Variants in NPAS3 observed in about 807,000 individuals in gnomAD.
The protein encoded by NPAS3 is neuronal PAS domain protein 3.
A neutral mutation model predicts 73.1 loss-of-function variants in NPAS3; 14 were observed. That is an observed-to-expected ratio of 0.19 (90% CI 0.13 to 0.30). NPAS3 has a LOEUF of 0.30. Among genes scored for constraint, NPAS3 ranks in the 10% least tolerant of loss-of-function variants. NPAS3 has a pLI of 1.00. For synonymous variants in NPAS3, 620 were observed against 541.5 expected, an observed-to-expected ratio of 1.14 and a Z score of -2.01; for missense variants, 1,096 against 1,250.0, an observed-to-expected ratio of 0.88 and a Z score of 1.86.
intron 7 of NPAS3, among the ~76,000 whole-genome samples, chr14:33,746,160 TTTTTA>T (rs1019702591): frequency 9.3e-5 from 14 of 151,220 alleles, no homozygotes; most frequent in South Asian, 2.1e-4. Flanking sequence ...GACTCATTCT[TTTTTA>T]TTTTATTTTA....
chr14:33,690,220 T>A (rs1036522327), intron 6 of NPAS3, among the ~76,000 whole-genome samples: 2 of 152,140 alleles, frequency 1.3e-5, no homozygotes, highest in African/African-American at 4.8e-5. Context: ...TCGGTATTGG[T>A]TTGAACTTTA....
At chr14:33,482,917 C>T (rs1451927579) in intron 4 of NPAS3, among the ~76,000 whole-genome samples, 3 of 152,124 alleles carry the variant, frequency 2.0e-5, no homozygotes, top group Non-Finnish European at 4.4e-5. Flanking sequence ...CTAATTATGT[C>T]AGTAAATTAA....
At chr14:33,651,570 T>G (rs1003295323) in intron 5 of NPAS3, among the ~76,000 whole-genome samples, 5 of 152,276 alleles carry the variant, frequency 3.3e-5, no homozygotes, top group South Asian at 2.1e-4. Context: ...AGTATATAGC[T>G]TTGAGGTCAG....
chr14:33,357,662 A>G (rs530291490), intron 3 of NPAS3, among the ~76,000 whole-genome samples: 16 of 152,338 alleles, frequency 1.1e-4, no homozygotes, highest in African/African-American at 3.8e-4. Flanking sequence ...GTGTTCGCTC[A>G]TTCACAAGTA....
intron 5 of NPAS3, among the ~76,000 whole-genome samples, chr14:33,617,770 G>C (rs1223415727): frequency 6.6e-6 from 1 of 152,136 alleles, no homozygotes; most frequent in Non-Finnish European, 1.5e-5. Context: ...GATTTTTATA[G>C]CATCTTCTCT....
At chr14:33,121,336 T>G (rs755957561) in intron 2 of NPAS3, among the ~76,000 whole-genome samples, 18 of 152,176 alleles carry the variant, frequency 1.2e-4, no homozygotes, top group African/African-American at 1.7e-4. Flanking sequence ...GCAGACAGAA[T>G]GAGTTGCCCT....
intron 4 of NPAS3, among the ~76,000 whole-genome samples, chr14:33,411,500 G>A (rs1159948106): frequency 6.6e-6 from 1 of 152,088 alleles, no homozygotes; most frequent in Non-Finnish European, 1.5e-5. Context: ...ATTTTTGTTT[G>A]TCACAACTTC....
intron 2 of NPAS3, 64 bp downstream of exon 2, chr14:33,056,058 A>G: frequency 1.4e-6 from 1 of 713,736 alleles, no homozygotes; most frequent in East Asian, 2.8e-5. Flanking sequence ...GTTGCCAGCT[A>G]TTCAAAAATA....
At chr14:33,475,477 G>A (rs983801973) in intron 4 of NPAS3, among the ~76,000 whole-genome samples, 3 of 149,576 alleles carry the variant, frequency 2.0e-5, no homozygotes, top group African/African-American at 7.4e-5. Flanking sequence ...AAAGCATATC[G>A]ATGCCACAGT....
chr14:33,146,453 G>C (rs985496276), intron 2 of NPAS3, among the ~76,000 whole-genome samples: 5 of 152,152 alleles, frequency 3.3e-5, no homozygotes, highest in African/African-American at 4.8e-5. Flanking sequence ...CACTTGGCAC[G>C]TGATAGCACT....
intron 4 of NPAS3, among the ~76,000 whole-genome samples, chr14:33,498,546 A>G (rs1014746051): frequency 1.3e-5 from 2 of 152,264 alleles, no homozygotes; most frequent in Non-Finnish European, 2.9e-5. Flanking sequence ...TTGCAGGGAC[A>G]TGGATGAAGC....
intron 5 of NPAS3, among the ~76,000 whole-genome samples, chr14:33,577,808 T>A (rs147864387): frequency 8.5e-4 from 130 of 152,380 alleles, no homozygotes; most frequent in African/African-American, 2.9e-3. Context: ...TAAAACATTG[T>A]TGGCCAAGAA....
chr14:33,647,021 G>C (rs1365311923), intron 5 of NPAS3, among the ~76,000 whole-genome samples: 1 of 152,052 alleles, frequency 6.6e-6, no homozygotes, highest in African/African-American at 2.4e-5. Context: ...TTGAAGTAAT[G>C]GGTTTCAATA....
intron 4 of NPAS3, among the ~76,000 whole-genome samples, chr14:33,513,789 G>C (rs1439664027): frequency 6.6e-6 from 1 of 151,924 alleles, no homozygotes; most frequent in Non-Finnish European, 1.5e-5. Context: ...TTTTGACAAA[G>C]AAAAAGCTCA....
At chr14:33,323,572 C>T (rs1372523543) in intron 3 of NPAS3, among the ~76,000 whole-genome samples, 2 of 152,092 alleles carry the variant, frequency 1.3e-5, no homozygotes, top group Admixed American at 1.3e-4. Context: ...AATGGGGCAT[C>T]AATGTATGAG....
At chr14:33,656,626 T>C (rs1199951443) in intron 5 of NPAS3, among the ~76,000 whole-genome samples, 3 of 152,212 alleles carry the variant, frequency 2.0e-5, no homozygotes, top group Non-Finnish European at 4.4e-5. Flanking sequence ...GATGTTTTGA[T>C]ATACATATTC....
intron 1 of NPAS3, among the ~76,000 whole-genome samples, chr14:33,043,699 A>G (rs1393544252): frequency 6.6e-6 from 1 of 152,198 alleles, no homozygotes; most frequent in Non-Finnish European, 1.5e-5. Flanking sequence ...GGTGGGAACA[A>G]AGACTTACAC....
chr14:32,967,768 A>ATG (rs2037236906), intron 1 of NPAS3, among the ~76,000 whole-genome samples: 1 of 116,480 alleles, frequency 8.6e-6, no homozygotes, highest in South Asian at 2.7e-4. Context: ...GGACAACAGC[A>ATG]TGTGGGGGGG....
chr14:33,434,329 C>T (rs1278974815), intron 4 of NPAS3, among the ~76,000 whole-genome samples: 1 of 152,118 alleles, frequency 6.6e-6, no homozygotes, highest in Admixed American at 6.6e-5. Flanking sequence ...GAATTTGAGA[C>T]CAGCCTGGGC....
Sources: allele counts gnomAD v4.1 joint callset (sites outside exome capture counted in the v4.1 genomes callset), GRCh38; gene constraint gnomAD v4.1.1; transcripts MANE v1.5; gene names NCBI Gene and HGNC (gene_info 2026-07-23, HGNC 2026-07-21).